Variants in AP3B1 observed in about 807,000 individuals in gnomAD.
The protein encoded by AP3B1 is AP-3 complex subunit beta-1.
In AP3B1, 61 loss-of-function variants were observed where a neutral mutation model predicts 132.5. That is an observed-to-expected ratio of 0.46 (90% CI 0.37 to 0.57). The LOEUF is 0.57. Ranked by LOEUF, AP3B1 falls within the 20% of genes least tolerant of loss-of-function variation. The probability of loss-of-function intolerance (pLI) is 0.00; values close to 1 mark genes in which losing one functional copy is unlikely to be tolerated. For missense variants in AP3B1, 1,120 were observed against 1,289.4 expected (o/e 0.87, Z 2.01); for synonymous variants, 388 against 438.3 (o/e 0.89, Z 1.43).
intron 22 of AP3B1, among the ~76,000 whole-genome samples, chr5:78,063,450 C>CA (rs1157992769): frequency 6.6e-6 from 1 of 152,232 alleles, no homozygotes; most frequent in East Asian, 1.9e-4. Context: ...CAGCAATTGA[C>CA]AAAATGTAAA....
intron 3 of AP3B1, among the ~76,000 whole-genome samples, chr5:78,235,814 CCTTT>C (rs1221761861): frequency 3.3e-5 from 5 of 152,148 alleles, no homozygotes; most frequent in African/African-American, 1.2e-4. Flanking sequence ...ATTGACTAAA[CCTTT>C]GATTATTTTT....
chr5:78,189,445 G>C (rs1744736355), intron 7 of AP3B1, among the ~76,000 whole-genome samples: 1 of 152,028 alleles, frequency 6.6e-6, no homozygotes, highest in African/African-American at 2.4e-5. Context: ...TAATTGAAAG[G>C]ATGGCATTTT....
intron 11 of AP3B1, among the ~76,000 whole-genome samples, chr5:78,171,588 T>C (rs1053064360): frequency 6.6e-6 from 1 of 152,220 alleles, no homozygotes; most frequent in African/African-American, 2.4e-5. Flanking sequence ...ATTGAGTTTT[T>C]ATCCTGAGAC....
chr5:78,125,848 T>C (rs1240027275), intron 17 of AP3B1, among the ~76,000 whole-genome samples: 1 of 152,184 alleles, frequency 6.6e-6, no homozygotes, highest in Non-Finnish European at 1.5e-5. Flanking sequence ...GTACTGTCCC[T>C]ATAAGGTAGT....
At chr5:78,026,245 C>T (rs1251766855) in intron 24 of AP3B1, among the ~76,000 whole-genome samples, 1 of 152,202 alleles carries the variant, frequency 6.6e-6, no homozygotes, top group East Asian at 1.9e-4. Flanking sequence ...ATTAGGGTAG[C>T]TTTAAATAGC....
chr5:78,049,970 C>T (rs187994606), intron 22 of AP3B1, among the ~76,000 whole-genome samples: 8 of 152,300 alleles, frequency 5.3e-5, no homozygotes, highest in Admixed American at 1.3e-4. Context: ...GCTCAAAACC[C>T]GCCAATGGCC....
intron 13 of AP3B1, among the ~76,000 whole-genome samples, chr5:78,160,652 T>C (rs2112366472): frequency 6.6e-6 from 1 of 152,216 alleles, no homozygotes; most frequent in Non-Finnish European, 1.5e-5. Flanking sequence ...TAATTACAGA[T>C]TCCTAGAGCC....
intron 8 of AP3B1, 97 bp downstream of exon 8, chr5:78,181,410 C>T: frequency 8.8e-7 from 1 of 1,135,290 alleles, no homozygotes; most frequent in Non-Finnish European, 1.3e-6. Flanking sequence ...AACAAATGCT[C>T]CATTAGCACA....
chr5:78,145,119 T>C (rs1173738733), intron 14 of AP3B1, among the ~76,000 whole-genome samples: 3 of 152,240 alleles, frequency 2.0e-5, no homozygotes, highest in African/African-American at 7.2e-5. Context: ...CAGACATAAA[T>C]CTATTTGATT....
At chr5:78,093,831 C>A (rs1235464231) in intron 21 of AP3B1, among the ~76,000 whole-genome samples, 2 of 152,162 alleles carry the variant, frequency 1.3e-5, no homozygotes, top group Admixed American at 6.5e-5. Flanking sequence ...AGTATTTGTA[C>A]CATCCCAATT....
intron 7 of AP3B1, among the ~76,000 whole-genome samples, chr5:78,212,965 C>T (rs1745806467): frequency 6.6e-6 from 1 of 152,104 alleles, no homozygotes; most frequent in African/African-American, 2.4e-5. Context: ...GCAAGCTCTG[C>T]CTCCTGGGTT....
At position 78,177,389 on chromosome 5, in the gene AP3B1, A is replaced by C. The variant is rs1744192557; in HGVS notation, c.990T>G (p.Ser330=). ...AQLYWHISPK[S]EAGIISKSLV... ...GTGATTTAGAAATTATGCCAGCTTCAGATTTTGGTGATATGTGCCAATACA... is the reference window on the plus strand; with the variant it reads ...GTGATTTAGAAATTATGCCAGCTTCCGATTTTGGTGATATGTGCCAATACA... The change falls in exon 9 of 27, where the codon TCT becomes TCG. Residue 330 remains serine (S), a synonymous_variant. Transcript: ENST00000255194. 6.2e-7 allele frequency: 1 copy of C among 1,613,938 alleles called. No homozygotes were observed. The highest frequency in any genetic ancestry group is 8.5e-7 in the Non-Finnish European group (1 of 1,179,938).
At chr5:78,092,906 T>C (rs1750591684) in intron 21 of AP3B1, among the ~76,000 whole-genome samples, 1 of 152,166 alleles carries the variant, frequency 6.6e-6, no homozygotes, top group Non-Finnish European at 1.5e-5. Flanking sequence ...TGTCTCAGCC[T>C]CCCAAGTAGC....
intron 26 of AP3B1, among the ~76,000 whole-genome samples, chr5:78,014,012 A>C (rs1234861391): frequency 6.6e-6 from 1 of 152,098 alleles, no homozygotes; most frequent in Non-Finnish European, 1.5e-5. Context: ...AAATACAAAA[A>C]ATTAGCCGGG....
intron 22 of AP3B1, among the ~76,000 whole-genome samples, chr5:78,040,799 C>A (rs1281220945): frequency 6.6e-6 from 1 of 152,114 alleles, no homozygotes; most frequent in Non-Finnish European, 1.5e-5. Context: ...AACATTTTCA[C>A]TATGCCGTGT....
At chr5:78,056,810 T>C (rs1302447068) in intron 22 of AP3B1, among the ~76,000 whole-genome samples, 3 of 152,190 alleles carry the variant, frequency 2.0e-5, no homozygotes, top group Admixed American at 1.3e-4. Context: ...AAAGAATATA[T>C]AGTGACATCA....
At chr5:78,207,171 T>C (rs572903889) in intron 7 of AP3B1, among the ~76,000 whole-genome samples, 390 of 150,256 alleles carry the variant, frequency 2.6e-3, no homozygotes, top group Admixed American at 6.5e-3. Context: ...GGCAGGAGAA[T>C]CATTTGCATC....
At chr5:78,156,524 G>A (rs1485919048) in intron 13 of AP3B1, among the ~76,000 whole-genome samples, 157 bp from the exon 14 acceptor site, 2 of 152,162 alleles carry the variant, frequency 1.3e-5, no homozygotes, top group African/African-American at 4.8e-5. Context: ...TTCCAAATTT[G>A]AGGTGTGAAC....
At chr5:78,154,599 G>A (rs1743065726) in intron 14 of AP3B1, among the ~76,000 whole-genome samples, 2 of 152,082 alleles carry the variant, frequency 1.3e-5, no homozygotes, top group African/African-American at 4.8e-5. Context: ...GCCCTTTTGA[G>A]ACTATTTTCT....
Sources: allele counts gnomAD v4.1 joint callset (sites outside exome capture counted in the v4.1 genomes callset), GRCh38; gene constraint gnomAD v4.1.1; transcripts MANE v1.5; gene names NCBI Gene and HGNC (gene_info 2026-07-23, HGNC 2026-07-21).